The following FIG4 variants were observed in gnomAD, a reference collection of about 807,000 sequenced individuals.
FIG4 encodes polyphosphoinositide phosphatase.
A neutral mutation model predicts 118.6 loss-of-function variants in FIG4; 112 were observed. That is an observed-to-expected ratio of 0.94 (90% CI 0.81 to 1.11). The LOEUF (loss-of-function observed/expected upper bound fraction) is 1.11, where lower values mean the gene tolerates loss of function less well. FIG4 is among the 50% of genes least tolerant of loss of function. FIG4 has a pLI of 0.00. For synonymous variants in FIG4, 369 were observed against 381.2 expected, an observed-to-expected ratio of 0.97 and a Z score of 0.37; for missense variants, 969 against 1,111.7, an observed-to-expected ratio of 0.87 and a Z score of 1.83.
At chr6:109,808,350 CAA>C (rs55948419) in intron 22 of FIG4, among the ~76,000 whole-genome samples, 17,418 of 65,462 alleles carry the variant, frequency 0.27, 286 homozygotes, top group Non-Finnish European at 0.31. Context: ...ACACTCACAG[CAA>C]AAAAAAAAAA....
At chr6:109,768,577 GAGAA>G (rs1777353382) in intron 15 of FIG4, among the ~76,000 whole-genome samples, 1 of 152,148 alleles carries the variant, frequency 6.6e-6, no homozygotes, top group Non-Finnish European at 1.5e-5. Context: ...GGCTGCCATT[GAGAA>G]AGAACCACTT....
At chr6:109,785,830 G>GT in intron 17 of FIG4, 1 of 400,292 alleles carries the variant, frequency 2.5e-6, no homozygotes, top group Admixed American at 2.9e-5. Context: ...GAAGGTATTT[G>GT]TAACTTGAAA....
intron 10 of FIG4, among the ~76,000 whole-genome samples, chr6:109,744,831 G>A (rs1416171017): frequency 5.5e-5 from 7 of 126,716 alleles, no homozygotes; most frequent in East Asian, 4.8e-4. Context: ...TGATGTTCCC[G>A]TCCTTGTGTC....
Position 109,796,818 on chromosome 6 carries a change from C to G in FIG4, c.2513C>G (p.Pro838Arg). ...QHKQDKNSQQ[P>R]CSRCSDGVIK... is the part of the protein sequence containing the mutation. The stretch of plus-strand genomic sequence containing the variant: ...AAACAAGACAAGAATAGCCAGCAGC[C>G]CTGTTCTAGGTGCTCAGATGGAGTT... The change falls in exon 22 of 23, where the codon CCC becomes CGC. Residue 838 changes from proline to arginine, a missense_variant. Physicochemically the swap from Pro to Arg is moderately radical, Grantham distance 103. Transcript: ENST00000230124. The G allele has an allele frequency of 1.2e-6, 2 of 1,611,034 alleles. No individual in the cohort carries two copies. The highest frequency in any genetic ancestry group is 2.7e-5 in the African/African-American group (2 of 74,958).
At chr6:109,764,032 T>A in intron 13 of FIG4, 50 bp downstream of exon 13, 1 of 1,190,518 alleles carries the variant, frequency 8.4e-7, no homozygotes, top group Non-Finnish European at 1.3e-6. Context: ...ATCCATTGTG[T>A]ACTGTATGTT....
Position 109,778,896 on chromosome 6 carries a change from G to T in FIG4, c.1889+1836G>T, listed in dbSNP as rs139403990. On this transcript the variant is annotated intron_variant, in intron 16 of 22. Coordinates refer to ENST00000230124, the MANE Select transcript of FIG4 (RefSeq NM_014845.6). ...TTACAGGCGTGAGCCACCGCGCCCG[G>T]CTTCTTGCAGCTGTTATTAAGTTCT... 4.8e-3 allele frequency among the ~76,000 whole-genome samples: 737 copies of T among 152,242 alleles called. 7 individuals are homozygous for T. Among genetic ancestry groups the T allele is most frequent in the African/African-American group, 0.017 (693 of 41,540 alleles).
intron 1 of FIG4, among the ~76,000 whole-genome samples, chr6:109,698,385 G>A (rs566411882): frequency 6.6e-6 from 1 of 152,168 alleles, no homozygotes; most frequent in South Asian, 2.1e-4. Context: ...AAGCCTGTTG[G>A]GATTGTGATT....
intron 16 of FIG4, among the ~76,000 whole-genome samples, chr6:109,784,492 C>G (rs190841870): frequency 6.6e-6 from 1 of 152,322 alleles, no homozygotes; most frequent in Non-Finnish European, 1.5e-5. Flanking sequence ...ACTGTTTTAA[C>G]TATACACACA....
intron 14 of FIG4, among the ~76,000 whole-genome samples, chr6:109,765,821 TTAA>T (rs2128392402): frequency 6.6e-6 from 1 of 152,314 alleles, no homozygotes; most frequent in Admixed American, 6.5e-5. Flanking sequence ...GAAAATACAA[TTAA>T]TGATAGCTGA....
At chr6:109,722,473 G>C (rs796137554) in intron 3 of FIG4, among the ~76,000 whole-genome samples, 2 of 152,122 alleles carry the variant, frequency 1.3e-5, no homozygotes, top group African/African-American at 4.8e-5. Flanking sequence ...AATTCAGACA[G>C]AGCACCAGGA....
chr6:109,795,566 T>TAAGGA (rs1246446765), intron 21 of FIG4, among the ~76,000 whole-genome samples: 5 of 119,188 alleles, frequency 4.2e-5, no homozygotes, highest in Non-Finnish European at 8.1e-5. Flanking sequence ...GGAAAGGAAA[T>TAAGGA]AAGGAAATCT....
intron 15 of FIG4, among the ~76,000 whole-genome samples, chr6:109,775,873 C>T (rs994201476): frequency 6.6e-6 from 1 of 152,140 alleles, no homozygotes; most frequent in African/African-American, 2.4e-5. Flanking sequence ...ACCAAATAAC[C>T]CAATGAGAAC....
At chr6:109,728,426 T>A (rs1775885023) in intron 4 of FIG4, among the ~76,000 whole-genome samples, 1 of 152,084 alleles carries the variant, frequency 6.6e-6, no homozygotes, top group Non-Finnish European at 1.5e-5. Flanking sequence ...ATTGTAAAGG[T>A]TGAATTGATT....
intron 22 of FIG4, among the ~76,000 whole-genome samples, chr6:109,799,740 T>G (rs1047105944): frequency 6.6e-6 from 1 of 152,210 alleles, no homozygotes; most frequent in African/African-American, 2.4e-5. Flanking sequence ...CAGGGGCTCT[T>G]GAAATGAGCG....
intron 22 of FIG4, among the ~76,000 whole-genome samples, chr6:109,802,262 C>T (rs1401640813): frequency 2.6e-5 from 4 of 152,088 alleles, no homozygotes; most frequent in South Asian, 2.1e-4. Context: ...GCCTTCCTTT[C>T]GCTTTTCTTC....
chr6:109,814,021 G>GT (rs1778791642), intron 22 of FIG4, among the ~76,000 whole-genome samples: 1 of 152,136 alleles, frequency 6.6e-6, no homozygotes, highest in African/African-American at 2.4e-5. Context: ...TCCAGAAACT[G>GT]TGACATAATA....
At chr6:109,768,745 A>G (rs1047706213) in intron 15 of FIG4, among the ~76,000 whole-genome samples, 2 of 152,184 alleles carry the variant, frequency 1.3e-5, no homozygotes, top group African/African-American at 4.8e-5. Context: ...CATCTTTGCC[A>G]TATTTCTTTG....
At chr6:109,752,246 C>T (rs553285566) in intron 10 of FIG4, among the ~76,000 whole-genome samples, 2,131 of 151,652 alleles carry the variant, frequency 0.014, 51 homozygotes, top group African/African-American at 0.049. Context: ...CACTGTTGGA[C>T]ATTTGGGTTG....
At chr6:109,796,674 A>T in intron 21 of FIG4, 91 bp from the exon 22 acceptor site, 1 of 816,994 alleles carries the variant, frequency 1.2e-6, no homozygotes, top group Non-Finnish European at 2.2e-6. Context: ...ATACTACTGA[A>T]ATTTGAAAGC....
Sources: allele counts gnomAD v4.1 joint callset (sites outside exome capture counted in the v4.1 genomes callset), GRCh38; gene constraint gnomAD v4.1.1; transcripts MANE v1.5; gene names NCBI Gene and HGNC (gene_info 2026-07-23, HGNC 2026-07-21).